C11orf65: variants seen among roughly 807,000 people sequenced by gnomAD.
The protein encoded by C11orf65 is protein MFI.
A neutral mutation model predicts 35.3 loss-of-function variants in C11orf65; 38 were observed. The observed-to-expected ratio is 1.08, with a 90% CI of 0.83 to 1.41. The LOEUF (loss-of-function observed/expected upper bound fraction) is 1.41, where lower values mean the gene tolerates loss of function less well. Ranked by LOEUF, C11orf65 falls within the 40% of genes most tolerant of loss-of-function variation. C11orf65 has a pLI of 0.00. For missense variants in C11orf65, 370 were observed against 367.1 expected (o/e 1.01, Z -0.06); for synonymous variants, 105 against 114.4 (o/e 0.92, Z 0.53).
intron 2 of C11orf65, among the ~76,000 whole-genome samples, chr11:108,347,576 T>C (rs1485156028): frequency 2.0e-5 from 3 of 152,110 alleles, no homozygotes; most frequent in African/African-American, 7.2e-5. Flanking sequence ...ATGAGGTGTC[T>C]TTTGAGCCTG....
At chr11:108,420,161 C>A (rs1403998301) in intron 3 of C11orf65, among the ~76,000 whole-genome samples, 1 of 152,066 alleles carries the variant, frequency 6.6e-6, no homozygotes, top group Non-Finnish European at 1.5e-5. Context: ...CATTAAAAAG[C>A]AAGTTATAAA....
chr11:108,317,057 C>T (rs2084726058), intron 6 of C11orf65, among the ~76,000 whole-genome samples: 1 of 151,484 alleles, frequency 6.6e-6, no homozygotes, highest in African/African-American at 2.4e-5. Flanking sequence ...CTTCAGCCAC[C>T]CAAGTAGCTG....
intron 2 of C11orf65, among the ~76,000 whole-genome samples, chr11:108,336,932 C>A (rs923309250): frequency 3.3e-5 from 5 of 152,192 alleles, no homozygotes; most frequent in Non-Finnish European, 1.5e-5. Flanking sequence ...TTTGTGATTT[C>A]ATTCCTGTAC....
intron 3 of C11orf65, among the ~76,000 whole-genome samples, chr11:108,427,239 G>C (rs1283531624): frequency 6.6e-6 from 1 of 151,110 alleles, no homozygotes; most frequent in Non-Finnish European, 1.5e-5. Context: ...ACTATCATCA[G>C]AATGAACAGG....
intron 2 of C11orf65, among the ~76,000 whole-genome samples, chr11:108,440,263 A>G (rs1056863521): frequency 3.3e-5 from 5 of 152,236 alleles, no homozygotes; most frequent in African/African-American, 1.2e-4. Context: ...ACTGTGTAGT[A>G]AAGTACCTCA....
chr11:108,385,421 G>C (rs1022698839), intron 8 of C11orf65, among the ~76,000 whole-genome samples: 3 of 151,888 alleles, frequency 2.0e-5, no homozygotes, highest in Non-Finnish European at 1.5e-5. Context: ...GGTGGCTCTC[G>C]CCTGTAATCC....
downstream of C11orf65, among the ~76,000 whole-genome samples, chr11:108,381,828 A>G (rs1400541415): frequency 2.0e-5 from 3 of 152,214 alleles, no homozygotes; most frequent in Non-Finnish European, 4.4e-5. Context: ...TCCCCTCTCC[A>G]TAAGTATAGG....
chr11:108,441,178 G>T (rs2093147560), intron 2 of C11orf65, among the ~76,000 whole-genome samples: 1 of 152,242 alleles, frequency 6.6e-6, no homozygotes, highest in Admixed American at 6.5e-5. Flanking sequence ...ATTATATCCT[G>T]CACCTGGCTC....
At chr11:108,320,204 T>G (rs2085102265) in intron 6 of C11orf65, 5 of 666,216 alleles carry the variant, frequency 7.5e-6, no homozygotes, top group Non-Finnish European at 1.3e-5. Context: ...TTCCTTGTAA[T>G]TCTCTGCCCT....
At chr11:108,465,688 T>C (rs1434549375) in intron 1 of C11orf65, among the ~76,000 whole-genome samples, 1 of 150,010 alleles carries the variant, frequency 6.7e-6, no homozygotes, top group Admixed American at 6.8e-5. Flanking sequence ...TAAAGGTTTT[T>C]TTTTAAAAAA....
intron 6 of C11orf65, among the ~76,000 whole-genome samples, chr11:108,399,959 TA>T (rs1268401361): frequency 6.6e-6 from 1 of 152,174 alleles, no homozygotes; most frequent in Non-Finnish European, 1.5e-5. Context: ...ATTCTCCCAT[TA>T]GGTCTCTTTA....
intron 2 of C11orf65, among the ~76,000 whole-genome samples, chr11:108,349,051 C>T: frequency 6.6e-6 from 1 of 151,944 alleles, no homozygotes; most frequent in East Asian, 1.9e-4. Flanking sequence ...TCTGATCTCA[C>T]ACATCATCCG....
intron 6 of C11orf65, chr11:108,309,139 G>C: frequency 1.1e-6 from 1 of 888,540 alleles, no homozygotes; most frequent in Non-Finnish European, 1.8e-6. Context: ...AGCTTGTGCT[G>C]TGTAAAAATT....
chr11:108,354,240 C>G (rs2089605396), intron 2 of C11orf65, among the ~76,000 whole-genome samples: 2 of 152,110 alleles, frequency 1.3e-5, no homozygotes, highest in African/African-American at 4.8e-5. Flanking sequence ...GACCTAAGCC[C>G]ATGTAACATA....
At chr11:108,330,509 T>C (rs1216691053), downstream of C11orf65, 29 of 1,333,926 alleles carry the variant, frequency 2.2e-5, no homozygotes, top group Non-Finnish European at 2.8e-5. Context: ...TATACCTCTT[T>C]GTATTCCTAG....
chr11:108,448,278 T>A (rs1233963965), intron 2 of C11orf65, among the ~76,000 whole-genome samples: 4 of 152,202 alleles, frequency 2.6e-5, no homozygotes, highest in South Asian at 2.1e-4. Flanking sequence ...TCCCTAACTC[T>A]TTTTATGAGG....
chr11:108,347,265 T>A lies in C11orf65; in HGVS notation c.227-11973A>T. On this transcript the variant is annotated intron_variant, in intron 2 of 3. Coordinates refer to the C11orf65 transcript ENST00000524755. ...AATCAGTGATTTCAGATTGTTTGTT[T>A]CTTTTTTCTCCAGTTGGTTACATAC... 1 of 1,572,292 alleles carries A rather than the reference T, an allele frequency of 6.4e-7. No individual in the cohort carries two copies. The highest frequency in any genetic ancestry group is 8.8e-7 in the Non-Finnish European group (1 of 1,142,188).
chr11:108,338,158 GGCC>G (rs2087064031), intron 2 of C11orf65, among the ~76,000 whole-genome samples: 1 of 152,208 alleles, frequency 6.6e-6, no homozygotes, highest in Non-Finnish European at 1.5e-5. Flanking sequence ...AGACCAGCCT[GGCC>G]AACATGGCCA....
chr11:108,431,490 G>A (rs1429988500), intron 3 of C11orf65, among the ~76,000 whole-genome samples: 1 of 152,176 alleles, frequency 6.6e-6, no homozygotes, highest in African/African-American at 2.4e-5. Flanking sequence ...GAAGAAGGGA[G>A]TTGGCAATGA....
Sources: gnomAD v4.1 joint callset for allele counts (sites outside exome capture counted in the v4.1 genomes callset) on GRCh38, gnomAD v4.1.1 for gene constraint, MANE v1.5 for transcripts, NCBI Gene and HGNC (gene_info 2026-07-23, HGNC 2026-07-21) for gene names.